Variants in RCBTB1 observed in about 807,000 individuals in gnomAD.
RCBTB1 encodes the protein RCC1 and BTB domain-containing protein 1.
A neutral mutation model predicts 62.4 loss-of-function variants in RCBTB1; 46 were observed. The observed-to-expected ratio is 0.74, with a 90% CI of 0.58 to 0.94. The LOEUF (loss-of-function observed/expected upper bound fraction) is 0.94. Ranked by LOEUF, RCBTB1 falls within the 40% of genes least tolerant of loss-of-function variation. The probability of loss-of-function intolerance (pLI) is 0.00; values close to 1 mark genes in which losing one functional copy is unlikely to be tolerated. For missense variants in RCBTB1, 565 were observed against 654.9 expected, an observed-to-expected ratio of 0.86 and a Z score of 1.50; for synonymous variants, 222 against 245.8, an observed-to-expected ratio of 0.90 and a Z score of 0.91.
intron 9 of RCBTB1, 39 bp from the exon 10 acceptor site, chr13:49,544,902 G>C (rs779684426): frequency 1.3e-6 from 2 of 1,547,272 alleles, no homozygotes; most frequent in South Asian, 2.3e-5. Flanking sequence ...GCAAGTTCAA[G>C]GAACAGATTG....
chr13:49,539,581 G>A (rs969469370), intron 12 of RCBTB1: 4 of 152,172 alleles, frequency 2.6e-5, no homozygotes, highest in Non-Finnish European at 5.9e-5. Context: ...GCCCAGAGAG[G>A]ATTCTAACAT....
intron 10 of RCBTB1, among the ~76,000 whole-genome samples, chr13:49,542,666 TTTC>T (rs1177383905): frequency 6.6e-6 from 1 of 152,192 alleles, no homozygotes; most frequent in Non-Finnish European, 1.5e-5. Context: ...TCCGACAATT[TTTC>T]TTCTTTTCTG....
rs555044741 is a variant in RCBTB1, at chr13:49,566,410, G to C, written c.277+208C>G. Reference sequence around the variant, plus strand: ...TTTATGGAGGCAGTCGAAAACCTCAGAAGTTTGCCTAATTTGCAAGACATC... The same window carrying C: ...TTTATGGAGGCAGTCGAAAACCTCACAAGTTTGCCTAATTTGCAAGACATC... On this transcript the variant is annotated intron_variant, in intron 4 of 12. Coordinates refer to ENST00000378302, the MANE Select transcript of RCBTB1 (RefSeq NM_018191.4). Among the ~76,000 whole-genome samples, 236 of 152,264 alleles carry C rather than the reference G, an allele frequency of 1.5e-3. No homozygotes were observed. Among genetic ancestry groups the C allele is most frequent in the Admixed American group, 2.4e-3 (37 of 15,288 alleles).
intron 2 of RCBTB1, among the ~76,000 whole-genome samples, chr13:49,575,492 C>T (rs1179766023): frequency 1.3e-5 from 2 of 148,794 alleles, no homozygotes; most frequent in Non-Finnish European, 3.0e-5. Flanking sequence ...ATAGCAAAGA[C>T]ATGGAATCAA....
chr13:49,564,260 A>G (rs1234505155), intron 4 of RCBTB1, among the ~76,000 whole-genome samples: 2 of 152,170 alleles, frequency 1.3e-5, no homozygotes, highest in South Asian at 2.1e-4. Context: ...AGCAATGCAC[A>G]AAGAAAGGAA....
intron 3 of RCBTB1, 36 bp downstream of exon 3, chr13:49,567,118 G>C: frequency 6.2e-7 from 1 of 1,607,206 alleles, no homozygotes. Flanking sequence ...TGCCAAATAA[G>C]TCCTAAAACG....
intron 12 of RCBTB1, 114 bp from the exon 13 acceptor site, chr13:49,534,376 T>A (rs957263531): frequency 6.3e-6 from 7 of 1,112,736 alleles, no homozygotes; most frequent in Middle Eastern, 3.0e-4. Context: ...GAAAAGATAT[T>A]TGAGAGGCCA....
intron 11 of RCBTB1, 130 bp downstream of exon 11, chr13:49,541,542 ATACT>A (rs1960361928): frequency 3.9e-6 from 3 of 774,022 alleles, no homozygotes; most frequent in Non-Finnish European, 5.9e-6. Flanking sequence ...ACTTTTAAAG[ATACT>A]TACTTCAAAT....
intron 2 of RCBTB1, among the ~76,000 whole-genome samples, chr13:49,578,576 A>G (rs1963921070): frequency 6.6e-6 from 1 of 152,248 alleles, no homozygotes; most frequent in Admixed American, 6.5e-5. Context: ...TACAACTGGA[A>G]TAATTAAGGA....
intron 4 of RCBTB1, among the ~76,000 whole-genome samples, chr13:49,565,573 C>T (rs1222329783): frequency 1.6e-5 from 2 of 127,464 alleles, no homozygotes; most frequent in South Asian, 2.7e-4. Context: ...AAGTGAGGAG[C>T]GTCTCTGCCC....
At chr13:49,550,016 A>C in intron 8 of RCBTB1, 1 of 653,980 alleles carries the variant, frequency 1.5e-6, no homozygotes, top group Non-Finnish European at 1.9e-6. Flanking sequence ...TTGAGACAGG[A>C]TCTCACTCCG....
chr13:49,533,104 A>G lies in RCBTB1; in HGVS notation c.*1018T>C, dbSNP rs147432000. ...AGATGATAAAGTTTCACATAAGCCA[A>G]TGTGTGATGGATTTGGCCTAAAGTA... On this transcript the variant is annotated 3_prime_UTR_variant, in exon 13 of 13. Coordinates refer to ENST00000378302, the MANE Select transcript of RCBTB1 (RefSeq NM_018191.4). 1 of 152,232 alleles carries G rather than the reference A, an allele frequency of 6.6e-6. No individual in the cohort carries two copies. Among genetic ancestry groups the G allele is most frequent in the Non-Finnish European group, 1.5e-5 (1 of 68,008 alleles). The allele number at this position is 152,232 out of a possible 1,614,324, so 9.4% of individuals were successfully genotyped here.
chr13:49,569,951 A>G (rs1474546841), intron 2 of RCBTB1, among the ~76,000 whole-genome samples: 1 of 152,138 alleles, frequency 6.6e-6, no homozygotes, highest in East Asian at 1.9e-4. Context: ...GATGCCCCTC[A>G]AACGACCTCT....
chr13:49,555,655 T>G lies in RCBTB1; in HGVS notation c.463A>C (p.Asn155His). Reference sequence around the variant, plus strand: ...CCTGATCCCACTTGGCCACAGTTGTTATAACCCCAAGCAAACACCTACAAG... The same window carrying G: ...CCTGATCCCACTTGGCCACAGTTGTGATAACCCCAAGCAAACACCTACAAG... Reference protein sequence around the residue: ...ADGEVFAWGYNNCGQVGSGST... With the variant: ...ADGEVFAWGYHNCGQVGSGST... The change falls in exon 6 of 13, where the codon AAC (asparagine) becomes CAC (histidine). Residue 155 changes from asparagine to histidine, a missense_variant. By Grantham distance (68) the Asn-to-His change is moderately conservative. Coordinates refer to ENST00000378302, the MANE Select transcript of RCBTB1 (RefSeq NM_018191.4). 1 of 1,600,556 alleles carries G rather than the reference T, an allele frequency of 6.2e-7. No individual in the cohort carries two copies. The highest frequency in any genetic ancestry group is 8.5e-7 in the Non-Finnish European group (1 of 1,172,956).
At chr13:49,551,026 C>A in intron 8 of RCBTB1, 1 of 295,806 alleles carries the variant, frequency 3.4e-6, no homozygotes. Flanking sequence ...TCACTTGAAC[C>A]CACGAAGTGA....
chr13:49,582,580 G>C (rs919389818), intron 1 of RCBTB1, among the ~76,000 whole-genome samples: 1 of 152,218 alleles, frequency 6.6e-6, no homozygotes, highest in Non-Finnish European at 1.5e-5. Flanking sequence ...AGGAAAGGGT[G>C]AATGTGAATG....
rs1173593171 is a variant in RCBTB1, at chr13:49,557,990, GACAA to G, written c.444+1924_444+1927del. On this transcript the variant is annotated intron_variant, in intron 5 of 12. Transcript: ENST00000378302. ...CCAAACATCCATGAACAGATGAATA[GACAA>G]ACAAAGTGTGGCTTACAGCAGGTCC... is the stretch of plus-strand genomic sequence containing the variant. Among the ~76,000 whole-genome samples the G allele has an allele frequency of 2.6e-5, 4 of 152,188 alleles. No individual in the cohort carries two copies. The East Asian group carries it at 7.7e-4, about 29-fold the overall frequency.
At chr13:49,544,555 A>G (rs1325668639) in intron 10 of RCBTB1, among the ~76,000 whole-genome samples, 182 bp downstream of exon 10, 1 of 152,210 alleles carries the variant, frequency 6.6e-6, no homozygotes, top group South Asian at 2.1e-4. Flanking sequence ...CTTTTTCTAA[A>G]ACGCTCCATG....
Position 49,551,364 on chromosome 13 carries a change from G to C in RCBTB1, c.816C>G (p.Asn272Lys). Residue 272 changes from asparagine (N) to lysine (K), a missense_variant, in exon 8 of 13, where the codon AAC (asparagine) becomes AAG (lysine). By Grantham distance (94) the Asn-to-Lys change is moderately conservative (BLOSUM62 0). Transcript: ENST00000378302. ...YGQLGTGNKN[N>K]LLSPAHIMVE... is the part of the protein sequence containing the mutation. ...CCATGATGTGTGCTGGGCTTAGCAGGTTATTTTTATTGCCAGTTCCCAGCT... is the reference window on the plus strand; with the variant it reads ...CCATGATGTGTGCTGGGCTTAGCAGCTTATTTTTATTGCCAGTTCCCAGCT... The C allele has an allele frequency of 6.2e-7, 1 of 1,614,220 alleles. No individual in the cohort carries two copies. The highest frequency in any genetic ancestry group is 8.5e-7 in the Non-Finnish European group (1 of 1,180,036).
Sources: gnomAD v4.1 joint callset for allele counts (sites outside exome capture counted in the v4.1 genomes callset) on GRCh38, gnomAD v4.1.1 for gene constraint, MANE v1.5 for transcripts, NCBI Gene and HGNC (gene_info 2026-07-23, HGNC 2026-07-21) for gene names.